The following GOLGA7 variants were observed in gnomAD, a reference collection of about 807,000 sequenced individuals.
The protein encoded by GOLGA7 is golgin A7.
In GOLGA7, 10 loss-of-function variants were observed where a neutral mutation model predicts 21.1. The ratio of observed to expected loss-of-function variants is 0.47; its 90% CI spans 0.29 to 0.80. The LOEUF is 0.80. Among genes scored for constraint, GOLGA7 ranks in the 30% least tolerant of loss-of-function variants. The probability of loss-of-function intolerance (pLI) is 0.08; values close to 1 mark genes in which losing one functional copy is unlikely to be tolerated. For synonymous variants in GOLGA7, 64 were observed against 62.6 expected (o/e 1.02, Z -0.10); for missense variants, 114 against 166.8 (o/e 0.68, Z 1.74).
chr8:41,504,966 G>C (rs1806249501), intron 2 of GOLGA7, among the ~76,000 whole-genome samples: 1 of 152,114 alleles, frequency 6.6e-6, no homozygotes, highest in Non-Finnish European at 1.5e-5. Context: ...CTAATAGTGT[G>C]AATTTAAGGA....
At chr8:41,507,264 GTAT>G in intron 4 of GOLGA7, 143 bp downstream of exon 4, 1 of 586,950 alleles carries the variant, frequency 1.7e-6, no homozygotes, top group East Asian at 3.0e-5. Context: ...GCTAGTCACT[GTAT>G]TAGCTTGATA....
At chr8:41,507,155 T>C (rs1806306131) in intron 4 of GOLGA7, 34 bp downstream of exon 4, 1 of 825,286 alleles carries the variant, frequency 1.2e-6, no homozygotes, top group Admixed American at 1.7e-5. Context: ...GTATGCAGCT[T>C]TTGCAAGTTT....
At chr8:41,500,472 G>T (rs1746610177) in intron 2 of GOLGA7, among the ~76,000 whole-genome samples, 1 of 152,184 alleles carries the variant, frequency 6.6e-6, no homozygotes, top group Non-Finnish European at 1.5e-5. Context: ...GATTTGGAGA[G>T]GTAAGCAGGA....
At chr8:41,508,169 TC>T (rs1806334922) in intron 4 of GOLGA7, among the ~76,000 whole-genome samples, 3 of 152,216 alleles carry the variant, frequency 2.0e-5, no homozygotes, top group Admixed American at 2.0e-4. Flanking sequence ...ACACCGTACT[TC>T]CTCTCAGTAC....
chr8:41,508,659 G>A (rs1806347951), intron 4 of GOLGA7, among the ~76,000 whole-genome samples: 1 of 152,208 alleles, frequency 6.6e-6, no homozygotes, highest in African/African-American at 2.4e-5. Flanking sequence ...TGAGGTTTGA[G>A]CAATTACACA....
At chr8:41,494,074 CTTTCTT>C (rs1461543325) in intron 1 of GOLGA7, among the ~76,000 whole-genome samples, 1 of 152,036 alleles carries the variant, frequency 6.6e-6, no homozygotes, top group African/African-American at 2.4e-5. Context: ...ACCATTTATC[CTTTCTT>C]TTTCTTTTTT....
rs1202351353 is a variant in GOLGA7 at position 41,509,715 on chromosome 8, C to A, written c.*147C>A. 6.5e-6 allele frequency: 1 copy of A among 152,686 alleles called. No homozygotes were observed. The highest frequency in any genetic ancestry group is 1.5e-5 in the Non-Finnish European group (1 of 68,054). 9.5% of individuals were successfully genotyped at this position (152,686 alleles called of 1,614,324 possible). A position where few individuals can be genotyped will look rare whatever the true frequency, so the allele number is the denominator to read the frequency against. On this transcript the variant is annotated 3_prime_UTR_variant, in exon 5 of 5. Coordinates refer to ENST00000357743, the MANE Select transcript of GOLGA7 (RefSeq NM_001002296.2). Reference sequence around the variant, plus strand: ...GCCATTTACTCCAAGGACTCACTTTCTAAAATTCCACACCTGGAGTGACCT... The same window carrying A: ...GCCATTTACTCCAAGGACTCACTTTATAAAATTCCACACCTGGAGTGACCT...
chr8:41,498,284 A>C (rs958250737), intron 2 of GOLGA7, among the ~76,000 whole-genome samples: 4 of 151,986 alleles, frequency 2.6e-5, no homozygotes, highest in Non-Finnish European at 5.9e-5. Context: ...GACTTGTCTC[A>C]TTTCTTCCCT....
At chr8:41,504,521 T>TA (rs1806235238) in intron 2 of GOLGA7, among the ~76,000 whole-genome samples, 1 of 152,216 alleles carries the variant, frequency 6.6e-6, no homozygotes. Context: ...CAAGCACAGC[T>TA]AAAATTCTTT....
intron 1 of GOLGA7, among the ~76,000 whole-genome samples, chr8:41,493,516 T>G (rs1011584480): frequency 6.6e-6 from 1 of 152,268 alleles, no homozygotes; most frequent in Non-Finnish European, 1.5e-5. Flanking sequence ...TTAAGCGATT[T>G]GTTGCCAGAA....
At chr8:41,501,469 C>T (rs1425033949) in intron 2 of GOLGA7, among the ~76,000 whole-genome samples, 1 of 152,140 alleles carries the variant, frequency 6.6e-6, no homozygotes, top group Non-Finnish European at 1.5e-5. Flanking sequence ...GTCTCAAACT[C>T]CTGGCCTCAA....
intron 1 of GOLGA7, 128 bp from the exon 2 acceptor site, chr8:41,497,381 G>A (rs1806044389): frequency 1.8e-6 from 1 of 570,374 alleles, no homozygotes; most frequent in African/African-American, 1.9e-5. Context: ...GGTAACTTAG[G>A]CCCAGATTTA....
chr8:41,499,887 G>A (rs575097276), intron 2 of GOLGA7, among the ~76,000 whole-genome samples: 8 of 152,328 alleles, frequency 5.3e-5, no homozygotes, highest in Admixed American at 4.6e-4. Flanking sequence ...GCCTGCTTCT[G>A]TATGATTTAA....
chr8:41,503,999 T>A (rs1273017343), intron 2 of GOLGA7, among the ~76,000 whole-genome samples: 3 of 147,102 alleles, frequency 2.0e-5, no homozygotes, highest in Non-Finnish European at 3.0e-5. Context: ...AGGGATAGCA[T>A]TGGGAGATAT....
At chr8:41,500,242 T>C (rs539768941) in intron 2 of GOLGA7, among the ~76,000 whole-genome samples, 53 of 152,324 alleles carry the variant, frequency 3.5e-4, no homozygotes, top group Admixed American at 4.6e-4. Flanking sequence ...GGAAACAAAC[T>C]GGCCTATGCT....
intron 1 of GOLGA7, among the ~76,000 whole-genome samples, chr8:41,495,432 G>A (rs1779063780): frequency 6.6e-6 from 1 of 151,170 alleles, no homozygotes; most frequent in African/African-American, 2.4e-5. Context: ...CTATAGGCAT[G>A]CACCACCACG....
chr8:41,494,154 T>C (rs1805951715), intron 1 of GOLGA7, among the ~76,000 whole-genome samples: 1 of 152,210 alleles, frequency 6.6e-6, no homozygotes, highest in Non-Finnish European at 1.5e-5. Context: ...TATAGGGCAT[T>C]GTAATCTCGG....
chr8:41,490,662 C>T lies in GOLGA7; in HGVS notation c.-193C>T, dbSNP rs1004772890. 4.6e-5 allele frequency: 25 copies of T among 546,168 alleles called. No homozygotes were observed. Among genetic ancestry groups the T allele is most frequent in the Non-Finnish European group, 6.8e-5 (21 of 309,408 alleles). 33.8% of individuals were successfully genotyped at this position (546,168 alleles called of 1,614,324 possible). A position where few individuals can be genotyped will look rare whatever the true frequency, so the allele number is the denominator to read the frequency against. ...AACCGGGTTGTGGGGGGCGCGGGGCCTGGGCCAGGCGGCAGCTAAGGCCCG... is the reference window on the plus strand; with the variant it reads ...AACCGGGTTGTGGGGGGCGCGGGGCTTGGGCCAGGCGGCAGCTAAGGCCCG... On this transcript the variant is annotated 5_prime_UTR_variant, in exon 1 of 5. Coordinates refer to ENST00000357743, the MANE Select transcript of GOLGA7 (RefSeq NM_001002296.2).
intron 2 of GOLGA7, among the ~76,000 whole-genome samples, chr8:41,499,134 C>G (rs1382560113): frequency 2.0e-5 from 3 of 151,946 alleles, no homozygotes; most frequent in Non-Finnish European, 2.9e-5. Context: ...TCTCTTGTCC[C>G]CCTCGCAGGG....
Sources: allele counts gnomAD v4.1 joint callset (sites outside exome capture counted in the v4.1 genomes callset), GRCh38; gene constraint gnomAD v4.1.1; transcripts MANE v1.5; gene names NCBI Gene and HGNC (gene_info 2026-07-23, HGNC 2026-07-21).